Variants in CHN2 observed in about 807,000 individuals in gnomAD.
The protein encoded by CHN2 is beta-chimaerin.
Under a neutral mutation model 56.3 loss-of-function variants are expected in CHN2, and 35 were observed. The observed-to-expected ratio is 0.62, with a 90% CI of 0.47 to 0.82. The LOEUF is 0.82. CHN2 is among the 40% of genes least tolerant of loss of function. The pLI is 0.00. For synonymous variants in CHN2, 210 were observed against 212.8 expected (o/e 0.99, Z 0.12); for missense variants, 491 against 580.5 (o/e 0.85, Z 1.58).
At chr7:29,176,739 CAAAT>C (rs1430937752) in intron 2 of CHN2, among the ~76,000 whole-genome samples, 4 of 152,014 alleles carry the variant, frequency 2.6e-5, no homozygotes, top group Non-Finnish European at 5.9e-5. Context: ...TATAAAACAA[CAAAT>C]AATGGCTAAC....
intron 1 of CHN2, chr7:29,208,874 C>T (rs920515511): frequency 1.3e-5 from 2 of 152,218 alleles, no homozygotes; most frequent in African/African-American, 2.4e-5. Context: ...CCCTCTTGGT[C>T]GGGGGGCCTT....
intron 7 of CHN2, among the ~76,000 whole-genome samples, chr7:29,490,731 T>C (rs138198414): frequency 6.6e-6 from 1 of 152,352 alleles, no homozygotes; most frequent in Admixed American, 6.5e-5. Context: ...TGGTACCAAA[T>C]GTACTGTACC....
At chr7:29,458,475 C>T (rs1283007160) in intron 6 of CHN2, among the ~76,000 whole-genome samples, 1 of 151,918 alleles carries the variant, frequency 6.6e-6, no homozygotes, top group Non-Finnish European at 1.5e-5. Context: ...CCTCTGTTCT[C>T]CAATATTATA....
At chr7:29,443,680 C>T (rs1032284461) in intron 6 of CHN2, among the ~76,000 whole-genome samples, 8 of 151,930 alleles carry the variant, frequency 5.3e-5, no homozygotes, top group Non-Finnish European at 1.2e-4. Flanking sequence ...TATCATCATT[C>T]CAGGACCTAG....
In CHN2 at chr7:29,433,292, G is replaced by GA. The variant is rs1782980232; in HGVS notation, c.576+32468dup. On this transcript the variant is annotated intron_variant, in intron 6 of 12. Coordinates refer to ENST00000222792, the MANE Select transcript of CHN2 (RefSeq NM_004067.4). Reference sequence around the variant, plus strand: ...CCCAAAAAGGACCTTTGGGGTCAAGGAAAATCTTGTGAGTGAAATGGGATT... The same window carrying GA: ...CCCAAAAAGGACCTTTGGGGTCAAGGAAAAATCTTGTGAGTGAAATGGGATT... Among the ~76,000 whole-genome samples, 3 of 152,226 alleles carry GA rather than the reference G, an allele frequency of 2.0e-5. No homozygotes were observed. The South Asian group carries it at 6.2e-4, about 31-fold the overall frequency.
intron 1 of CHN2, among the ~76,000 whole-genome samples, chr7:29,300,264 A>G (rs1793555334): frequency 6.6e-6 from 1 of 152,140 alleles, no homozygotes; most frequent in African/African-American, 2.4e-5. Context: ...AATAGACCAA[A>G]TGAGGTGTTG....
intron 6 of CHN2, among the ~76,000 whole-genome samples, chr7:29,430,967 T>A (rs773870675): frequency 6.6e-5 from 10 of 152,098 alleles, no homozygotes; most frequent in African/African-American, 2.4e-4. Flanking sequence ...CTGTTCTTAG[T>A]CAATTCCTGG....
intron 1 of CHN2, among the ~76,000 whole-genome samples, chr7:29,255,564 A>G (rs867216083): frequency 6.6e-6 from 1 of 152,064 alleles, no homozygotes; most frequent in African/African-American, 2.4e-5. Flanking sequence ...TTTCTTTTCA[A>G]TCTAGGTTTG....
chr7:29,242,267 T>G (rs1562858914), intron 1 of CHN2, among the ~76,000 whole-genome samples: 1 of 152,210 alleles, frequency 6.6e-6, no homozygotes, highest in Non-Finnish European at 1.5e-5. Flanking sequence ...GGAAGGCAGA[T>G]AGCAAACCTC....
chr7:29,338,753 A>G lies in CHN2; in HGVS notation c.50-15872A>G, dbSNP rs184556180. Among the ~76,000 whole-genome samples, 750 of 152,142 alleles carry G rather than the reference A, an allele frequency of 4.9e-3. 4 individuals carry two copies. Among genetic ancestry groups the G allele is most frequent in the Non-Finnish European group, 8.4e-3 (570 of 68,000 alleles). ...GCCACCATGCCTGGCTAATTTTTGT[A>G]TCTTTTAGTAGAGACAGGGTTTCAC... On this transcript the variant is annotated intron_variant, in intron 1 of 12. Transcript: ENST00000222792.
At chr7:29,314,958 G>A (rs1794856666) in intron 1 of CHN2, among the ~76,000 whole-genome samples, 2 of 152,036 alleles carry the variant, frequency 1.3e-5, no homozygotes, top group Admixed American at 6.5e-5. Flanking sequence ...AATTCCAAGT[G>A]CCACCAAATC....
rs116242838 is a variant in CHN2 at position 29,179,565 on chromosome 7, C to G, written c.274+32605C>G. ...CCTAAGTCTTCTTCATAAGCAAGAA[C>G]AAGGCAGATGTTAGTAACACAAATG... On this transcript the variant is annotated intron_variant, in intron 2 of 6. Coordinates refer to the CHN2 transcript ENST00000439384. Among the ~76,000 whole-genome samples, 409 of 152,276 alleles carry G rather than the reference C, an allele frequency of 2.7e-3. 2 individuals are homozygous for G. Among genetic ancestry groups the G allele is most frequent in the African/African-American group, 9.3e-3 (386 of 41,548 alleles).
At chr7:29,347,996 C>T (rs1411520360) in intron 1 of CHN2, among the ~76,000 whole-genome samples, 1 of 151,974 alleles carries the variant, frequency 6.6e-6, no homozygotes, top group Non-Finnish European at 1.5e-5. Context: ...CTTAATGGTG[C>T]TTTTTTTTCC....
intron 6 of CHN2, among the ~76,000 whole-genome samples, chr7:29,402,536 A>T (rs1802302563): frequency 6.6e-6 from 1 of 152,228 alleles, no homozygotes; most frequent in South Asian, 2.1e-4. Context: ...AAAATATGAA[A>T]GCCGACCTTC....
intron 1 of CHN2, among the ~76,000 whole-genome samples, chr7:29,311,319 T>C (rs1298662040): frequency 1.3e-5 from 2 of 152,236 alleles, no homozygotes; most frequent in African/African-American, 4.8e-5. Context: ...TTGGAGTCTT[T>C]CCTGGCAGTC....
At chr7:29,361,500 G>T (rs770163966) in intron 2 of CHN2, among the ~76,000 whole-genome samples, 167 of 152,288 alleles carry the variant, frequency 1.1e-3, no homozygotes, top group Non-Finnish European at 1.6e-3. Flanking sequence ...TGCTCATTGA[G>T]AAATAAGTCA....
chr7:29,316,634 G>T (rs1794970958), intron 1 of CHN2, among the ~76,000 whole-genome samples: 1 of 152,130 alleles, frequency 6.6e-6, no homozygotes, highest in Non-Finnish European at 1.5e-5. Flanking sequence ...TATACTAAAA[G>T]CCAGTTTTCA....
chr7:29,264,526 T>C (rs1789951351), intron 1 of CHN2, among the ~76,000 whole-genome samples: 1 of 152,236 alleles, frequency 6.6e-6, no homozygotes, highest in Non-Finnish European at 1.5e-5. Context: ...AACCCCGTGC[T>C]CTCTGAAACA....
At chr7:29,460,261 G>C (rs969030509) in intron 6 of CHN2, among the ~76,000 whole-genome samples, 1 of 148,668 alleles carries the variant, frequency 6.7e-6, no homozygotes, top group Non-Finnish European at 1.5e-5. Context: ...CCCTCAAATA[G>C]AGCTTGCCAC....
Sources: gnomAD v4.1 joint callset for allele counts (sites outside exome capture counted in the v4.1 genomes callset) on GRCh38, gnomAD v4.1.1 for gene constraint, MANE v1.5 for transcripts, NCBI Gene and HGNC (gene_info 2026-07-23, HGNC 2026-07-21) for gene names.